PTPRC: variants seen among roughly 807,000 people sequenced by gnomAD.
PTPRC encodes receptor-type tyrosine-protein phosphatase C.
In PTPRC, 44 loss-of-function variants were observed where a neutral mutation model predicts 155.9. The ratio of observed to expected loss-of-function variants is 0.28; its 90% CI spans 0.22 to 0.36. PTPRC has a LOEUF of 0.36. Ranked by LOEUF, PTPRC falls within the 10% of genes least tolerant of loss-of-function variation. The pLI is 1.00. For synonymous variants in PTPRC, 525 were observed against 533.1 expected, an observed-to-expected ratio of 0.98 and a Z score of 0.21; for missense variants, 1,401 against 1,564.6, an observed-to-expected ratio of 0.90 and a Z score of 1.76.
chr1:198,709,447 A>AG (rs1480230595), intron 10 of PTPRC, among the ~76,000 whole-genome samples: 1 of 152,192 alleles, frequency 6.6e-6, no homozygotes, highest in African/African-American at 2.4e-5. Flanking sequence ...ATCTGAAAAA[A>AG]AAAACTAAAT....
intron 2 of PTPRC, among the ~76,000 whole-genome samples, chr1:198,685,995 G>A (rs1195694614): frequency 6.6e-6 from 1 of 151,374 alleles, no homozygotes; most frequent in Non-Finnish European, 1.5e-5. Context: ...GATATTTAAA[G>A]CCCAAGTATG....
chr1:198,662,018 T>A (rs970120126), intron 2 of PTPRC, among the ~76,000 whole-genome samples: 6 of 152,174 alleles, frequency 3.9e-5, no homozygotes, highest in African/African-American at 1.4e-4. Context: ...CAAAGACTTG[T>A]CTTCCAAACG....
chr1:198,712,695 A>G (rs1268861772), intron 11 of PTPRC: 1 of 454,586 alleles, frequency 2.2e-6, no homozygotes, highest in Non-Finnish European at 3.9e-6. Context: ...ATGTATATGA[A>G]AGGAAGAGGG....
At chr1:198,750,331 A>C in intron 28 of PTPRC, 161 bp from the exon 29 acceptor site, 1 of 718,130 alleles carries the variant, frequency 1.4e-6, no homozygotes. Context: ...ATTATTTTAC[A>C]TATAGCTATT....
At chr1:198,722,773 T>C (rs1281395796) in intron 15 of PTPRC, among the ~76,000 whole-genome samples, 1 of 151,846 alleles carries the variant, frequency 6.6e-6, no homozygotes, top group Non-Finnish European at 1.5e-5. Context: ...TATCGTCATG[T>C]TAGTAACATT....
chr1:198,714,802 A>G (rs1653492583), intron 12 of PTPRC, among the ~76,000 whole-genome samples: 1 of 152,230 alleles, frequency 6.6e-6, no homozygotes, highest in Admixed American at 6.5e-5. Flanking sequence ...ATCCACAGGA[A>G]GAAAGTCTAT....
In PTPRC at chr1:198,757,433, ATAG is replaced by A. The variant is rs2102566997; in HGVS notation, c.*1254_*1256del. ...AAGATCTAGAAAAAAAAAATCAAGA[ATAG>A]TGGTATTTTTCATGAAGTAATAAAA... is the stretch of plus-strand genomic sequence containing the variant. On this transcript the variant is annotated 3_prime_UTR_variant, in exon 33 of 33. Coordinates refer to ENST00000442510, the MANE Select transcript of PTPRC (RefSeq NM_002838.5). 6.6e-6 allele frequency: 1 copy of A among 151,982 alleles called. No homozygotes were observed. The highest frequency in any genetic ancestry group is 2.4e-5 in the African/African-American group (1 of 41,558). The allele number at this position is 151,982 out of a possible 1,614,324, so 9.4% of individuals were successfully genotyped here. A position where few individuals can be genotyped will look rare whatever the true frequency, so the allele number is the denominator to read the frequency against.
At position 198,756,111 on chromosome 1, in the gene PTPRC, C is replaced by G. The variant is rs762501047; in HGVS notation, c.3851C>G (p.Thr1284Arg). Residue 1284 changes from threonine (T) to arginine (R), a missense_variant, in exon 33 of 33, where the codon ACG (threonine) becomes AGG (arginine). By Grantham distance (71) the Thr-to-Arg change is moderately conservative. Coordinates refer to ENST00000442510, the MANE Select transcript of PTPRC (RefSeq NM_002838.5). ...GAACAGGCTGAAGGTTCTGAACCCA[C>G]GAGTGGCACTGAGGGGCCAGAACAT... ...AKEQAEGSEP[T>R]SGTEGPEHSV... 2.5e-6 allele frequency: 4 copies of G among 1,613,256 alleles called. No homozygotes were observed. The highest frequency in any genetic ancestry group is 3.3e-5 in the Admixed American group (2 of 59,866).
intron 2 of PTPRC, chr1:198,679,811 G>A: frequency 1.8e-6 from 1 of 550,706 alleles, no homozygotes; most frequent in Non-Finnish European, 3.3e-6. Flanking sequence ...GTGTATTGGG[G>A]CTTCTTCCTG....
intron 17 of PTPRC, among the ~76,000 whole-genome samples, chr1:198,729,826 G>A (rs1426498090): frequency 6.6e-6 from 1 of 152,126 alleles, no homozygotes; most frequent in East Asian, 1.9e-4. Flanking sequence ...ATGGAAGATA[G>A]AAAACTGTGT....
Position 198,756,386 on chromosome 1 carries a change from A to AT in PTPRC, c.*209dup, listed in dbSNP as rs971681513. 1.5e-5 allele frequency: 10 copies of AT among 666,944 alleles called. No homozygotes were observed. The highest frequency in any genetic ancestry group is 8.4e-4 in the Middle Eastern group (2 of 2,380). 41.3% of individuals were successfully genotyped at this position (666,944 alleles called of 1,614,324 possible). ...TGTACAGACGTATGCTTATTTTAAA[A>AT]TTTTATCTCTTATTCAGTAAAAAAC... On this transcript the variant is annotated 3_prime_UTR_variant, in exon 33 of 33. Coordinates refer to ENST00000442510, the MANE Select transcript of PTPRC (RefSeq NM_002838.5).
intron 2 of PTPRC, among the ~76,000 whole-genome samples, chr1:198,690,570 A>G (rs1489685352): frequency 2.6e-5 from 4 of 152,092 alleles, no homozygotes; most frequent in Non-Finnish European, 4.4e-5. Context: ...AAAAATATAT[A>G]TATCAAAAAT....
At chr1:198,722,261 C>T (rs1464572783) in intron 14 of PTPRC, among the ~76,000 whole-genome samples, 155 bp from the exon 15 acceptor site, 1 of 150,020 alleles carries the variant, frequency 6.7e-6, no homozygotes, top group Non-Finnish European at 1.5e-5. Context: ...AACATACTGA[C>T]ATAACCTTGA....
At chr1:198,732,165 A>C in intron 18 of PTPRC, 135 bp from the exon 19 acceptor site, 1 of 758,726 alleles carries the variant, frequency 1.3e-6, no homozygotes, top group Non-Finnish European at 2.2e-6. Flanking sequence ...AATTTTGATT[A>C]CTCTAAGCAA....
Position 198,699,697 on chromosome 1 carries a change from T to A in PTPRC, c.432T>A (p.Ala144=), listed in dbSNP as rs1419971490. Residue 144 remains alanine (A), a synonymous_variant, in exon 5 of 33, where the codon GCT becomes GCA. Transcript: ENST00000442510. The stretch of plus-strand genomic sequence containing the variant: ...TCAACCCTACCCCAGGCAGCAATGC[T>A]ATCTCAGGTTTGCGGGTCCTTTAGA... ...AKLNPTPGSN[A]ISDVPGERST... 6.2e-7 allele frequency: 1 copy of A among 1,614,186 alleles called. No homozygotes were observed. The highest frequency in any genetic ancestry group is 1.7e-5 in the Admixed American group (1 of 59,986).
chr1:198,712,846 C>A, intron 11 of PTPRC, 107 bp from the exon 12 acceptor site: 3 of 1,216,690 alleles, frequency 2.5e-6, no homozygotes, highest in South Asian at 1.3e-5. Flanking sequence ...ATTTTGAATT[C>A]ATCATTTGTC....
chr1:198,674,893 C>T (rs895009988), intron 2 of PTPRC, among the ~76,000 whole-genome samples: 4 of 152,118 alleles, frequency 2.6e-5, no homozygotes, highest in African/African-American at 9.7e-5. Context: ...ATGCTATTAA[C>T]CAAATTACAG....
At chr1:198,724,858 G>C (rs1654058099) in intron 15 of PTPRC, among the ~76,000 whole-genome samples, 1 of 152,122 alleles carries the variant, frequency 6.6e-6, no homozygotes, top group Non-Finnish European at 1.5e-5. Flanking sequence ...CTGGAGTGCA[G>C]TGGCATAATC....
At chr1:198,710,521 G>T (rs921054391) in intron 11 of PTPRC, among the ~76,000 whole-genome samples, 1 of 152,170 alleles carries the variant, frequency 6.6e-6, no homozygotes, top group Non-Finnish European at 1.5e-5. Context: ...ATAAATTTGG[G>T]AAATATTGCC....
Sources: gnomAD v4.1 joint callset for allele counts (sites outside exome capture counted in the v4.1 genomes callset) on GRCh38, gnomAD v4.1.1 for gene constraint, MANE v1.5 for transcripts, NCBI Gene and HGNC (gene_info 2026-07-23, HGNC 2026-07-21) for gene names.